ATXN1: variants seen among roughly 807,000 people sequenced by gnomAD.
ATXN1 encodes ataxin-1.
ATXN1 carries 8 observed loss-of-function variants against 56.4 expected under a neutral mutation model. That is an observed-to-expected ratio of 0.14 (90% CI 0.08 to 0.26). ATXN1 has a LOEUF of 0.26. ATXN1 is among the 10% of genes least tolerant of loss of function. The pLI, the probability that ATXN1 is intolerant of heterozygous loss-of-function variation, is 1.00. For synonymous variants in ATXN1, 514 were observed against 494.6 expected (o/e 1.04, Z -0.52); for missense variants, 987 against 1,106.5 (o/e 0.89, Z 1.53).
intron 5 of ATXN1, among the ~76,000 whole-genome samples, chr6:16,495,979 T>C (rs906862139): frequency 6.6e-6 from 1 of 152,216 alleles, no homozygotes; most frequent in Non-Finnish European, 1.5e-5. Context: ...TTAACTACTT[T>C]TGCATAATGT....
chr6:16,568,226 C>T (rs1285211873), intron 4 of ATXN1, among the ~76,000 whole-genome samples: 2 of 152,114 alleles, frequency 1.3e-5, no homozygotes, highest in Admixed American at 6.5e-5. Context: ...TATTCCAATT[C>T]GCAAGAATAT....
chr6:16,726,372 C>A (rs528539735), intron 2 of ATXN1, among the ~76,000 whole-genome samples: 3 of 113,214 alleles, frequency 2.6e-5, no homozygotes, highest in African/African-American at 1.1e-4. Flanking sequence ...CAGAGCAAGA[C>A]TCTGTCTCAA....
intron 7 of ATXN1, among the ~76,000 whole-genome samples, chr6:16,307,166 A>T (rs1261088022): frequency 1.3e-5 from 2 of 152,162 alleles, no homozygotes; most frequent in African/African-American, 4.8e-5. Context: ...AGTCAATCGA[A>T]CCCCAGTAAT....
At chr6:16,307,535 G>A (rs746782713) in intron 7 of ATXN1, among the ~76,000 whole-genome samples, 3 of 151,944 alleles carry the variant, frequency 2.0e-5, no homozygotes, top group Admixed American at 6.6e-5. Flanking sequence ...TTAGCCATGC[G>A]TGGTGGCGGG....
chr6:16,463,986 C>T (rs2113629857), intron 6 of ATXN1, among the ~76,000 whole-genome samples: 2 of 152,292 alleles, frequency 1.3e-5, no homozygotes, highest in East Asian at 3.9e-4. Context: ...TAGAGTGTTC[C>T]CCTCTGGAGG....
rs115526062 is a variant in ATXN1, at chr6:16,647,677, A to G, written c.-489+10099T>C. 1.8e-3 allele frequency among the ~76,000 whole-genome samples: 281 copies of G among 152,394 alleles called. 1 individual carries two copies. The highest frequency in any genetic ancestry group is 3.5e-3 in the Non-Finnish European group (235 of 68,044). ...GAAAAAATAACTATGTGAGGTGATG[A>G]AAGTGTTAACTAACTTGATGATAAT... On this transcript the variant is annotated intron_variant, in intron 3 of 7. Coordinates refer to ENST00000436367, the MANE Select transcript of ATXN1 (RefSeq NM_001128164.2).
intron 3 of ATXN1, among the ~76,000 whole-genome samples, chr6:16,611,849 ATTT>A (rs369870821): frequency 0.023 from 1,692 of 74,904 alleles, 13 homozygotes; most frequent in African/African-American, 0.079. Context: ...AGCAGATGAA[ATTT>A]TTTTTTTTTT....
intron 6 of ATXN1, among the ~76,000 whole-genome samples, chr6:16,393,383 T>C (rs7744103): frequency 0.18 from 27,366 of 152,048 alleles, 3,422 homozygotes; most frequent in African/African-American, 0.36. Flanking sequence ...TACAGAGATG[T>C]ACAACCATAC....
At chr6:16,516,024 T>C (rs961644131) in intron 5 of ATXN1, among the ~76,000 whole-genome samples, 2 of 152,232 alleles carry the variant, frequency 1.3e-5, no homozygotes, top group Non-Finnish European at 2.9e-5. Context: ...TAGACAGTGA[T>C]GTGTCTAAGA....
At chr6:16,639,359 C>T (rs1378353986) in intron 3 of ATXN1, among the ~76,000 whole-genome samples, 2 of 152,146 alleles carry the variant, frequency 1.3e-5, no homozygotes, top group Non-Finnish European at 2.9e-5. Context: ...ACAAACCTAT[C>T]GGAAGGAACC....
chr6:16,702,676 G>C (rs1180737957), intron 2 of ATXN1, among the ~76,000 whole-genome samples: 1 of 152,156 alleles, frequency 6.6e-6, no homozygotes, highest in Non-Finnish European at 1.5e-5. Context: ...GTGGGCGAAG[G>C]ATATGAATAG....
chr6:16,713,330 A>T (rs1759566384), intron 2 of ATXN1, among the ~76,000 whole-genome samples: 1 of 152,236 alleles, frequency 6.6e-6, no homozygotes, highest in Non-Finnish European at 1.5e-5. Context: ...AGACATTCCT[A>T]TAAAATTAGC....
intron 4 of ATXN1, among the ~76,000 whole-genome samples, chr6:16,547,717 A>G (rs545212341): frequency 1.3e-5 from 2 of 152,248 alleles, no homozygotes; most frequent in South Asian, 2.1e-4. Context: ...TTTGGGCAGC[A>G]TAACTCCAGT....
At chr6:16,636,956 G>A (rs1384243120) in intron 3 of ATXN1, among the ~76,000 whole-genome samples, 1 of 152,176 alleles carries the variant, frequency 6.6e-6, no homozygotes, top group Non-Finnish European at 1.5e-5. Flanking sequence ...CAAGGATCTA[G>A]AACTAGAAAT....
intron 3 of ATXN1, among the ~76,000 whole-genome samples, chr6:16,590,556 C>T (rs1359696168): frequency 3.3e-5 from 5 of 152,168 alleles, no homozygotes; most frequent in Admixed American, 3.3e-4. Context: ...TCTCAATTCA[C>T]ATTTATCACT....
At chr6:16,467,886 T>C (rs947941272) in intron 6 of ATXN1, among the ~76,000 whole-genome samples, 1 of 152,242 alleles carries the variant, frequency 6.6e-6, no homozygotes, top group Non-Finnish European at 1.5e-5. Context: ...AAAGATTGTC[T>C]GAAGATTCCA....
intron 1 of ATXN1, chr6:16,761,065 T>TACAC (rs3831007): frequency 1.0e-3 from 332 of 324,064 alleles, no homozygotes; most frequent in Non-Finnish European, 1.7e-3. Flanking sequence ...TGTACACACA[T>TACAC]ACACACACAC....
At position 16,730,495 on chromosome 6, in the gene ATXN1, A is replaced by G. The variant is rs754328469; in HGVS notation, c.-615+22738T>C. On this transcript the variant is annotated intron_variant, in intron 2 of 7. Transcript: ENST00000436367. ...AAAGGGTAAAACAGTATGTATATAT[A>G]TATATATATATAAATGTATTTATAC... 2.0e-5 allele frequency among the ~76,000 whole-genome samples: 3 copies of G among 146,850 alleles called. 1 individual carries two copies. The highest frequency in any genetic ancestry group is 4.3e-4 in the South Asian group (2 of 4,674).
chr6:16,444,078 T>C (rs1041693564), intron 6 of ATXN1, among the ~76,000 whole-genome samples: 1 of 148,928 alleles, frequency 6.7e-6, no homozygotes, highest in Non-Finnish European at 1.5e-5. Flanking sequence ...ATTGCGCCAC[T>C]GCATTCCAGC....
Sources: gnomAD v4.1 joint callset for allele counts (sites outside exome capture counted in the v4.1 genomes callset) on GRCh38, gnomAD v4.1.1 for gene constraint, MANE v1.5 for transcripts, NCBI Gene and HGNC (gene_info 2026-07-23, HGNC 2026-07-21) for gene names.